The following PEG3 variants were observed in gnomAD, a reference collection of about 807,000 sequenced individuals.
The protein encoded by PEG3 is paternally-expressed gene 3 protein.
In PEG3, 23 loss-of-function variants were observed where a neutral mutation model predicts 35.5. The ratio of observed to expected loss-of-function variants is 0.65; its 90% CI spans 0.47 to 0.92. PEG3 has a LOEUF of 0.92. Among genes scored for constraint, PEG3 ranks in the 40% least tolerant of loss-of-function variants. PEG3 has a pLI of 0.00. For missense variants in PEG3, 1,960 were observed against 1,985.3 expected (o/e 0.99, Z 0.24); for synonymous variants, 707 against 697.0 (o/e 1.01, Z -0.23).
intron 4 of PEG3, among the ~76,000 whole-genome samples, 171 bp from the exon 5 acceptor site, chr19:56,823,850 C>A (rs529270367): frequency 1.3e-5 from 2 of 152,258 alleles, no homozygotes; most frequent in South Asian, 2.1e-4. Flanking sequence ...TCCTGGCATA[C>A]TAAAAACTGG....
In PEG3 at chr19:56,826,952, T is replaced by C. The variant is rs1052539434; in HGVS notation, c.-162-489A>G. Among the ~76,000 whole-genome samples the C allele has an allele frequency of 3.3e-5, 5 of 152,164 alleles. No individual in the cohort carries two copies. The East Asian group carries it at 9.6e-4, about 29-fold the overall frequency. Reference sequence around the variant, plus strand: ...TAAAGTACCCTAGGTGAAAGCTATATATCAGAATGGCAGGCTTATAGAGTT... The same window carrying C: ...TAAAGTACCCTAGGTGAAAGCTATACATCAGAATGGCAGGCTTATAGAGTT... On this transcript the variant is annotated intron_variant, in intron 2 of 9. Coordinates refer to ENST00000326441, the MANE Select transcript of PEG3 (RefSeq NM_006210.3).
chr19:56,823,171 C>T (rs2060666579), intron 5 of PEG3, among the ~76,000 whole-genome samples: 1 of 152,132 alleles, frequency 6.6e-6, no homozygotes, highest in African/African-American at 2.4e-5. Context: ...AGACCCCCTA[C>T]TGTCTGGCAG....
In PEG3 at chr19:56,818,690, A is replaced by G; in HGVS notation, c.682T>C (p.Tyr228His). The change falls in exon 8 of 10, where the codon TAC becomes CAC. Residue 228 changes from tyrosine to histidine, a missense_variant. Tyr to His is a moderately conservative substitution (Grantham distance 83). This residue lies in a region of PEG3 where 613 missense variants were observed against 577.1 expected (regional missense o/e 1.06). Coordinates refer to ENST00000326441, the MANE Select transcript of PEG3 (RefSeq NM_006210.3). ...TCAGCGAGGTCCACCACATTTTGGT[A>G]TGATTCAGCATCCTAAAACAGCAAA... ...YESRSQDAES[Y>H]QNVVDLAEDR... 1 of 1,614,162 alleles carries G rather than the reference A, an allele frequency of 6.2e-7. No individual in the cohort carries two copies. Among genetic ancestry groups the G allele is most frequent in the Non-Finnish European group, 8.5e-7 (1 of 1,180,026 alleles).
intron 2 of PEG3, among the ~76,000 whole-genome samples, chr19:56,830,534 G>A (rs1359782990): frequency 1.3e-5 from 2 of 152,188 alleles, no homozygotes; most frequent in East Asian, 3.8e-4. Flanking sequence ...GTGGGGACAA[G>A]GAAGGGACAG....
In PEG3 at chr19:56,816,870, C is replaced by G; in HGVS notation, c.1572G>C (p.Arg524=). The G allele has an allele frequency of 6.2e-7, 1 of 1,614,148 alleles. No individual in the cohort carries two copies. The highest frequency in any genetic ancestry group is 8.5e-7 in the Non-Finnish European group (1 of 1,179,990). Residue 524 remains arginine (R), a synonymous_variant, in exon 10 of 10, where the codon CGG becomes CGC. Transcript: ENST00000326441. ...CAAGATAACCTCTAGCATGAATCTT[C>G]CGATGTTCAGCCAAGGCGGCACTCT... ...FNKSAALAEH[R]KIHARGYLVE...
In PEG3 at chr19:56,812,668, G is replaced by A; in HGVS notation, c.*1007C>T. 1.0e-6 allele frequency: 1 copy of A among 985,736 alleles called. No individual in the cohort carries two copies. Among genetic ancestry groups the A allele is most frequent in the South Asian group, 4.7e-5 (1 of 21,282 alleles). 61.1% of individuals were successfully genotyped at this position (985,736 alleles called of 1,614,324 possible). ...GCCTGCAACATTATTTACAGCATGA[G>A]AGCCTCTCCTACGGTTCTCAACCTT... On this transcript the variant is annotated 3_prime_UTR_variant, in exon 10 of 10. Transcript: ENST00000326441.
At chr19:56,820,974 T>C (rs1378430593) in intron 7 of PEG3, among the ~76,000 whole-genome samples, 1 of 152,182 alleles carries the variant, frequency 6.6e-6, no homozygotes, top group Non-Finnish European at 1.5e-5. Context: ...AAGTGACCCC[T>C]CTCCTCCTTC....
Position 56,813,486 on chromosome 19 carries a change from G to C in PEG3, c.*189C>G. 7.1e-7 allele frequency: 1 copy of C among 1,402,510 alleles called. No individual in the cohort carries two copies. The highest frequency in any genetic ancestry group is 9.3e-7 in the Non-Finnish European group (1 of 1,079,426). The allele number at this position is 1,402,510 out of a possible 1,614,324, so 86.9% of individuals were successfully genotyped here. A position where few individuals can be genotyped will look rare whatever the true frequency, so the allele number is the denominator to read the frequency against. Reference sequence around the variant, plus strand: ...ACATGCAGACACTGACATCTGAAGGGGAAAGCTTAAGACTGTGGAATCTGC... The same window carrying C: ...ACATGCAGACACTGACATCTGAAGGCGAAAGCTTAAGACTGTGGAATCTGC... On this transcript the variant is annotated 3_prime_UTR_variant, in exon 10 of 10. Transcript: ENST00000326441.
intron 7 of PEG3, 43 bp from the exon 8 acceptor site, chr19:56,818,745 C>T (rs1439618398): frequency 1.2e-6 from 2 of 1,600,532 alleles, no homozygotes; most frequent in Middle Eastern, 1.7e-4. Context: ...TCTGTCCCCA[C>T]CGATGTTCAA....
chr19:56,815,249 C>T lies in PEG3; in HGVS notation c.3193G>A (p.Gly1065Ser). 1.2e-6 allele frequency: 2 copies of T among 1,614,212 alleles called. No individual in the cohort carries two copies. The highest frequency in any genetic ancestry group is 8.5e-7 in the Non-Finnish European group (1 of 1,180,028). ...QEKSHGEESQ[G>S]ENTDGEETHS... ...GTCTCCTCCCCATCAGTATTCTCGC[C>T]TTGAGACTCCTCGCCATGAGACTTC... Residue 1065 changes from glycine to serine, a missense_variant, in exon 10 of 10, where the codon GGC (glycine) becomes AGC (serine). By Grantham distance (56) the Gly-to-Ser change is moderately conservative (BLOSUM62 0). Coordinates refer to ENST00000326441, the MANE Select transcript of PEG3 (RefSeq NM_006210.3).
In PEG3 at chr19:56,811,073, A is replaced by G. The variant is rs1194567617; in HGVS notation, c.*2602T>C. ...AGAATGAACAAGATAAGAGGAGAGT[A>G]TATGTCTTTGGATGGTGGGGATATG... On this transcript the variant is annotated 3_prime_UTR_variant, in exon 10 of 10. Coordinates refer to ENST00000326441, the MANE Select transcript of PEG3 (RefSeq NM_006210.3). The G allele has an allele frequency of 4.1e-6, 4 of 984,458 alleles. No homozygotes were observed. The highest frequency in any genetic ancestry group is 1.7e-5 in the African/African-American group (1 of 57,230). 61.0% of individuals were successfully genotyped at this position (984,458 alleles called of 1,614,324 possible).
rs1001991369 is a variant in PEG3, at chr19:56,813,919, T to C, written c.4523A>G (p.His1508Arg). 10 of 1,614,106 alleles carry C rather than the reference T, an allele frequency of 6.2e-6. No individual in the cohort carries two copies. Among genetic ancestry groups the C allele is most frequent in the Admixed American group, 5.0e-5 (3 of 60,010 alleles). ...IQVEEPYYDC[H>R]ECTETFTSST... is the part of the protein sequence containing the mutation. ...GGAAGTGAAGGTTTCTGTGCATTCA[T>C]GGCAGTCATAGTATGGTTCTTCTAC... is the stretch of plus-strand genomic sequence containing the variant. Residue 1508 changes from histidine (H) to arginine (R), a missense_variant, in exon 10 of 10, where the codon CAT becomes CGT. Physicochemically the swap from His to Arg is conservative, Grantham distance 29. This residue lies in a region of PEG3 where 416 missense variants were observed against 416.7 expected (regional missense o/e 1.00). Coordinates refer to ENST00000326441, the MANE Select transcript of PEG3 (RefSeq NM_006210.3).
intron 1 of PEG3, among the ~76,000 whole-genome samples, chr19:56,836,942 C>A (rs2062182684): frequency 7.2e-6 from 1 of 139,310 alleles, no homozygotes; most frequent in Non-Finnish European, 1.5e-5. Context: ...CACACTCCAG[C>A]CTGGGTGAGA....
In PEG3 at chr19:56,816,806, G is replaced by A. The variant is rs1643394063; in HGVS notation, c.1636C>T (p.Pro546Ser). 6.2e-7 allele frequency: 1 copy of A among 1,614,096 alleles called. No homozygotes were observed. The highest frequency in any genetic ancestry group is 8.5e-7 in the Non-Finnish European group (1 of 1,179,988). ...TGAAGCTCACTAAAGGTGGGGCTAG[G>A]CATGAAGGCTTCCTCACATTCCTGA... Reference protein sequence around the residue: ...KNQECEEAFMPSPTFSELQKI... With the variant: ...KNQECEEAFMSSPTFSELQKI... Residue 546 changes from proline (P) to serine (S), a missense_variant, in exon 10 of 10, where the codon CCT becomes TCT. Around this residue, in one of 5 missense-constraint regions of PEG3, gnomAD observed 798 missense variants for 782.4 expected, o/e 1.02. Transcript: ENST00000326441.
rs934824523 is a variant in PEG3, at chr19:56,816,092, A to G, written c.2350T>C (p.Ser784Pro). ...YERSVIHSLA[S>P]VEAQKSHSVA... is the part of the protein sequence containing the mutation. ...CTGTGACTTTTCTGAGCTTCCACAG[A>G]GGCTAAGCTATGAATAACAGACCTC... The change falls in exon 10 of 10, where the codon TCT (serine) becomes CCT (proline). Residue 784 changes from serine to proline, a missense_variant. Ser to Pro is a moderately conservative substitution (Grantham distance 74). Coordinates refer to ENST00000326441, the MANE Select transcript of PEG3 (RefSeq NM_006210.3). The G allele has an allele frequency of 6.2e-7, 1 of 1,605,262 alleles. No homozygotes were observed. The highest frequency in any genetic ancestry group is 1.3e-5 in the African/African-American group (1 of 74,498).
Position 56,814,501 on chromosome 19 carries a change from G to A in PEG3, c.3941C>T (p.Ser1314Phe). Reference sequence around the variant, plus strand: ...AGTAAGAAATGAGGTGTGAGTATAGGAGGACCCGTACTCATAGGGCTCATT... The same window carrying A: ...AGTAAGAAATGAGGTGTGAGTATAGAAGGACCCGTACTCATAGGGCTCATT... ...HKNEPYEYGS[S>F]YTHTSFLTEP... Residue 1314 changes from serine to phenylalanine, a missense_variant, in exon 10 of 10, where the codon TCC becomes TTC. Ser to Phe is a radical substitution (Grantham distance 155). This residue lies in a region of PEG3 where 416 missense variants were observed against 416.7 expected (regional missense o/e 1.00). Transcript: ENST00000326441. This position sits in a 1 kb window ranked among gnomAD's most constrained non-coding sequence, Gnocchi z 5.8. The A allele has an allele frequency of 6.2e-7, 1 of 1,614,082 alleles. No individual in the cohort carries two copies. Among genetic ancestry groups the A allele is most frequent in the Non-Finnish European group, 8.5e-7 (1 of 1,179,948 alleles).
At position 56,815,361 on chromosome 19, in the gene PEG3, C is replaced by T. The variant is rs762269494; in HGVS notation, c.3081G>A (p.Glu1027=). 6 of 1,614,212 alleles carry T rather than the reference C, an allele frequency of 3.7e-6. No individual in the cohort carries two copies. In the South Asian group the frequency reaches 4.4e-5, roughly 12 times the overall value. ...AGTCCTTACATTTGTTCCGCGCTTG[C>T]TCTTTAGCATACTGCTCTTGGGCGT... is the stretch of plus-strand genomic sequence containing the variant. The part of the protein sequence containing the change: ...TSYAQEQYAK[E]QARNKCKDFR... The change falls in exon 10 of 10, where the codon GAG becomes GAA. Residue 1027 remains glutamate (E), a synonymous_variant. Coordinates refer to ENST00000326441, the MANE Select transcript of PEG3 (RefSeq NM_006210.3).
chr19:56,831,266 T>A (rs1425766113), intron 2 of PEG3, among the ~76,000 whole-genome samples: 1 of 152,190 alleles, frequency 6.6e-6, no homozygotes, highest in Admixed American at 6.5e-5. Context: ...TTCAACTGTG[T>A]AAAAGTCTAT....
chr19:56,823,720 C>T, intron 4 of PEG3, 41 bp from the exon 5 acceptor site: 1 of 1,609,758 alleles, frequency 6.2e-7, no homozygotes, highest in East Asian at 2.2e-5. Context: ...CTCTGGCCCA[C>T]ATTCTCACAA....
Sources: allele counts gnomAD v4.1 joint callset (sites outside exome capture counted in the v4.1 genomes callset), GRCh38; gene constraint gnomAD v4.1.1; regional missense constraint gnomAD v4.1.1; non-coding constraint Gnocchi (gnomAD v3.1); transcripts MANE v1.5; gene names NCBI Gene and HGNC (gene_info 2026-07-23, HGNC 2026-07-21).